Variants in CCSER1 observed in about 807,000 individuals in gnomAD.
CCSER1 encodes the protein serine-rich coiled-coil domain-containing protein 1.
CCSER1 carries 41 observed loss-of-function variants against 82.0 expected under a neutral mutation model. The observed-to-expected ratio is 0.50, with a 90% CI of 0.39 to 0.65. CCSER1 has a LOEUF of 0.65. CCSER1 is among the 30% of genes least tolerant of loss of function. CCSER1 has a pLI of 0.00. For synonymous variants in CCSER1, 414 were observed against 383.9 expected (o/e 1.08, Z -0.92); for missense variants, 1,119 against 1,064.2 (o/e 1.05, Z -0.72).
At chr4:91,544,506 CTGTT>C (rs754516252) in intron 10 of CCSER1, among the ~76,000 whole-genome samples, 33 of 152,090 alleles carry the variant, frequency 2.2e-4, no homozygotes, top group Non-Finnish European at 4.4e-4. Flanking sequence ...GATGTCCTTT[CTGTT>C]TGTTAGTTTT....
chr4:90,981,657 A>G (rs17252470), intron 9 of CCSER1, among the ~76,000 whole-genome samples: 41,621 of 151,776 alleles, frequency 0.27, 6,897 homozygotes, highest in East Asian at 0.39. Flanking sequence ...TACTTAAACT[A>G]AAAATAGTTC....
intron 4 of CCSER1, among the ~76,000 whole-genome samples, chr4:90,459,253 A>G (rs1454214530): frequency 6.6e-6 from 1 of 152,188 alleles, no homozygotes; most frequent in Non-Finnish European, 1.5e-5. Flanking sequence ...GAATTATTGA[A>G]GTATGAACTG....
At chr4:90,200,483 A>AG (rs1737481960) in intron 1 of CCSER1, among the ~76,000 whole-genome samples, 1 of 152,024 alleles carries the variant, frequency 6.6e-6, no homozygotes, top group Non-Finnish European at 1.5e-5. Flanking sequence ...CTTTTTAGAA[A>AG]ATCATACAAA....
chr4:90,738,475 C>A (rs573704616), intron 7 of CCSER1, among the ~76,000 whole-genome samples: 1 of 152,106 alleles, frequency 6.6e-6, no homozygotes, highest in Non-Finnish European at 1.5e-5. Context: ...AACATAGTCT[C>A]TCCCACTATT....
chr4:90,793,697 G>T lies in CCSER1; in HGVS notation c.2011-22065G>T, dbSNP rs149401904. 6.6e-3 allele frequency among the ~76,000 whole-genome samples: 1,003 copies of T among 152,276 alleles called. 16 individuals carry two copies. Among genetic ancestry groups the T allele is most frequent in the African/African-American group, 0.023 (958 of 41,552 alleles). On this transcript the variant is annotated intron_variant, in intron 7 of 10. Coordinates refer to ENST00000509176, the MANE Select transcript of CCSER1 (RefSeq NM_001145065.2). ...TGAATATATACCCAGGAATGGGATT[G>T]CTGTGACAAATGGTATTTCTGTTTT...
At chr4:91,511,636 G>A (rs1759830712) in intron 10 of CCSER1, among the ~76,000 whole-genome samples, 2 of 152,064 alleles carry the variant, frequency 1.3e-5, no homozygotes. Context: ...GGTGGCATTA[G>A]ATTCTTTTGG....
chr4:90,861,927 T>TATATATATATATATATATATA (rs796104595), intron 8 of CCSER1, among the ~76,000 whole-genome samples: 1 of 74,434 alleles, frequency 1.3e-5, no homozygotes, highest in African/African-American at 3.7e-5. Flanking sequence ...TATATATATA[T>TATATATATATATATATATATA]TTTTTTTTTC....
intron 5 of CCSER1, among the ~76,000 whole-genome samples, chr4:90,589,825 A>G (rs1210349976): frequency 1.3e-5 from 2 of 152,226 alleles, no homozygotes; most frequent in East Asian, 3.8e-4. Context: ...TTCTATTAAA[A>G]TAAGTGAAAT....
At chr4:90,697,370 A>G (rs1380944839) in intron 6 of CCSER1, among the ~76,000 whole-genome samples, 1 of 145,824 alleles carries the variant, frequency 6.9e-6, no homozygotes, top group Admixed American at 6.9e-5. Flanking sequence ...CTTTCTGATT[A>G]TGTTATTTCA....
chr4:90,283,043 T>C (rs1729156046), intron 1 of CCSER1, among the ~76,000 whole-genome samples: 1 of 152,024 alleles, frequency 6.6e-6, no homozygotes, highest in African/African-American at 2.4e-5. Context: ...GGCTTTGCTT[T>C]ACCTGAATAT....
chr4:90,154,207 C>T (rs575621443), intron 1 of CCSER1, among the ~76,000 whole-genome samples: 1 of 152,282 alleles, frequency 6.6e-6, no homozygotes, highest in East Asian at 1.9e-4. Flanking sequence ...GCGTAGATTT[C>T]TGAGGGCTCT....
At chr4:90,763,112 C>G (rs957148589) in intron 7 of CCSER1, among the ~76,000 whole-genome samples, 3 of 152,006 alleles carry the variant, frequency 2.0e-5, no homozygotes, top group African/African-American at 7.2e-5. Context: ...TTTCTGTCAT[C>G]ATTTCTTGTA....
chr4:90,911,015 T>C (rs986478429), intron 8 of CCSER1, among the ~76,000 whole-genome samples: 1 of 152,202 alleles, frequency 6.6e-6, no homozygotes, highest in Non-Finnish European at 1.5e-5. Context: ...AAAGTATACT[T>C]TGATAATTAC....
At chr4:90,737,896 G>A (rs916509481) in intron 7 of CCSER1, among the ~76,000 whole-genome samples, 1 of 152,008 alleles carries the variant, frequency 6.6e-6, no homozygotes, top group Non-Finnish European at 1.5e-5. Context: ...CTGTTCTTCA[G>A]TATTTCAATT....
intron 10 of CCSER1, among the ~76,000 whole-genome samples, chr4:91,123,439 A>T (rs946565821): frequency 5.3e-5 from 8 of 151,756 alleles, no homozygotes; most frequent in East Asian, 3.8e-4. Context: ...ATTTAATATT[A>T]AAAAAGATAG....
intron 10 of CCSER1, among the ~76,000 whole-genome samples, chr4:91,263,394 C>A (rs1741341369): frequency 1.3e-5 from 2 of 151,948 alleles, no homozygotes; most frequent in Non-Finnish European, 2.9e-5. Context: ...CAAGTTTATT[C>A]ATTTTTCTTT....
intron 6 of CCSER1, among the ~76,000 whole-genome samples, chr4:90,631,470 ATCT>A (rs1295784669): frequency 1.3e-5 from 2 of 152,224 alleles, no homozygotes; most frequent in Non-Finnish European, 2.9e-5. Flanking sequence ...TTGAGGGAAC[ATCT>A]TCTACAAATA....
At chr4:90,834,864 C>T (rs747860777) in intron 8 of CCSER1, among the ~76,000 whole-genome samples, 11 of 152,050 alleles carry the variant, frequency 7.2e-5, no homozygotes, top group Non-Finnish European at 1.3e-4. Context: ...AGTTATTGAG[C>T]CTTCCAGAAA....
chr4:90,249,504 T>A (rs1034585326), intron 1 of CCSER1, among the ~76,000 whole-genome samples: 2 of 152,140 alleles, frequency 1.3e-5, no homozygotes, highest in East Asian at 3.9e-4. Flanking sequence ...TATTCTCCAC[T>A]CTCTCCCAGC....
Sources: gnomAD v4.1 joint callset for allele counts (sites outside exome capture counted in the v4.1 genomes callset) on GRCh38, gnomAD v4.1.1 for gene constraint, MANE v1.5 for transcripts, NCBI Gene and HGNC (gene_info 2026-07-23, HGNC 2026-07-21) for gene names.